Variants in RIN2 observed in about 807,000 individuals in gnomAD.
The protein encoded by RIN2 is RAB5 interacting protein 2.
RIN2 carries 36 observed loss-of-function variants against 78.0 expected under a neutral mutation model. The ratio of observed to expected loss-of-function variants is 0.46; its 90% CI spans 0.35 to 0.61. RIN2 has a LOEUF of 0.61. Ranked by LOEUF, RIN2 falls within the 20% of genes least tolerant of loss-of-function variation. RIN2 has a pLI of 0.00. For synonymous variants in RIN2, 466 were observed against 466.8 expected (o/e 1.00, Z 0.02); for missense variants, 1,087 against 1,159.7 (o/e 0.94, Z 0.91).
intron 1 of RIN2, among the ~76,000 whole-genome samples, chr20:19,772,628 G>T (rs1046714736): frequency 6.6e-5 from 10 of 152,190 alleles, no homozygotes; most frequent in African/African-American, 2.4e-4. Context: ...AATCCCAGCA[G>T]CTAAAAGGGT....
In RIN2 at chr20:19,995,774, T is replaced by C. The variant is rs533574774; in HGVS notation, c.2201-905T>C. Among the ~76,000 whole-genome samples, 15 of 152,342 alleles carry C rather than the reference T, an allele frequency of 9.8e-5. No homozygotes were observed. The South Asian group carries it at 3.1e-3, about 32-fold the overall frequency. ...AACAGTTCTTTCAAAGTGTATAGTT[T>C]ACTTAAGATTTAGAAAATACTCATT... is the stretch of plus-strand genomic sequence containing the variant. On this transcript the variant is annotated intron_variant, in intron 11 of 12. Transcript: ENST00000255006.
chr20:19,940,082 G>A (rs372429970), intron 4 of RIN2, among the ~76,000 whole-genome samples: 9 of 152,080 alleles, frequency 5.9e-5, no homozygotes, highest in Non-Finnish European at 1.0e-4. Flanking sequence ...TAACTCCTGA[G>A]TTCAGGCAAT....
intron 3 of RIN2, chr20:19,934,629 G>A: frequency 2.1e-6 from 2 of 972,510 alleles, no homozygotes; most frequent in Non-Finnish European, 2.4e-6. Context: ...TATGTAAGCT[G>A]GATATATCTT....
At chr20:19,781,964 A>T (rs1451573603) in intron 1 of RIN2, among the ~76,000 whole-genome samples, 1 of 152,076 alleles carries the variant, frequency 6.6e-6, no homozygotes, top group Non-Finnish European at 1.5e-5. Context: ...ATGGTAGGTT[A>T]CTAAGGTAGT....
intron 4 of RIN2, among the ~76,000 whole-genome samples, chr20:19,943,329 C>G (rs187878773): frequency 6.6e-6 from 1 of 152,190 alleles, no homozygotes; most frequent in Non-Finnish European, 1.5e-5. Context: ...GCAGCGTCTC[C>G]CTGGAGGCAG....
intron 6 of RIN2, 43 bp downstream of exon 6, chr20:19,960,854 CG>C: frequency 8.0e-7 from 1 of 1,256,436 alleles, no homozygotes; most frequent in Non-Finnish European, 1.1e-6. Flanking sequence ...GACAGGGCCA[CG>C]GGGCTCTGCA....
At chr20:19,855,724 C>G (rs1263062330) in intron 2 of RIN2, among the ~76,000 whole-genome samples, 1 of 152,114 alleles carries the variant, frequency 6.6e-6, no homozygotes, top group African/African-American at 2.4e-5. Flanking sequence ...AAAACACCAA[C>G]AAGAGACTGG....
At chr20:19,838,275 ATGGCCTGG>A (rs767430889) in intron 2 of RIN2, among the ~76,000 whole-genome samples, 1,879 of 152,318 alleles carry the variant, frequency 0.012, 18 homozygotes, top group East Asian at 0.035. Context: ...GAAGAGAGAT[ATGGCCTGG>A]TTAATTAATT....
intron 2 of RIN2, among the ~76,000 whole-genome samples, chr20:19,848,518 G>C (rs983732038): frequency 8.1e-6 from 1 of 123,124 alleles, no homozygotes; most frequent in African/African-American, 3.3e-5. Context: ...CCTGGTGACA[G>C]AGCAAGACTC....
chr20:19,970,947 G>T lies in RIN2; in HGVS notation c.628+18G>T, dbSNP rs775972092. On this transcript the variant is annotated intron_variant, in intron 8 of 12. Transcript: ENST00000255006. ...GGGACTAAGTAAGTGTGTGCCCCCT[G>T]CCTGAGTCTATCTAAAAATGAATCC... 2 of 1,584,910 alleles carry T rather than the reference G, an allele frequency of 1.3e-6. No individual in the cohort carries two copies. The highest frequency in any genetic ancestry group is 2.3e-5 in the South Asian group (2 of 88,612).
rs372975521 is a variant in RIN2, at chr20:19,868,174, T to C, written c.-36-21392T>C. 2.6e-5 allele frequency among the ~76,000 whole-genome samples: 4 copies of C among 152,338 alleles called. No homozygotes were observed. The East Asian group carries it at 7.7e-4, about 29-fold the overall frequency. ...TTCTGAGGTTTCTCCAACTTTCCCA[T>C]ATAAAATGAAGATGGCCTTTCTTCT... On this transcript the variant is annotated intron_variant, in intron 2 of 12. Transcript: ENST00000255006.
At chr20:19,926,008 G>T (rs116736560) in intron 3 of RIN2, among the ~76,000 whole-genome samples, 1 of 152,204 alleles carries the variant, frequency 6.6e-6, no homozygotes, top group Non-Finnish European at 1.5e-5. Context: ...GTGGAAAACC[G>T]TTCCCACTTA....
intron 2 of RIN2, among the ~76,000 whole-genome samples, chr20:19,808,778 T>G (rs6035443): frequency 0.42 from 63,732 of 152,138 alleles, 17,738 homozygotes; most frequent in African/African-American, 0.8. Context: ...GGGGGTGGCA[T>G]TGCTAGTGAT....
intron 1 of RIN2, among the ~76,000 whole-genome samples, chr20:19,764,918 GTTTTTTTT>G (rs10605325): frequency 0.08 from 4,026 of 50,512 alleles, 122 homozygotes; most frequent in African/African-American, 0.19. Flanking sequence ...CACTTTCTGC[GTTTTTTTT>G]TTTTTTTTTT....
At chr20:19,833,998 CCT>C (rs1382363811) in intron 2 of RIN2, among the ~76,000 whole-genome samples, 1 of 152,128 alleles carries the variant, frequency 6.6e-6, no homozygotes, top group South Asian at 2.1e-4. Flanking sequence ...ACAAGGATCC[CCT>C]GTGAGTGAGA....
chr20:19,841,888 G>A (rs1427423827), intron 2 of RIN2, among the ~76,000 whole-genome samples: 4 of 152,232 alleles, frequency 2.6e-5, no homozygotes, highest in African/African-American at 9.6e-5. Context: ...AGAAGATCTA[G>A]CCAAGATAAT....
At chr20:19,996,629 C>A (rs747422277) in intron 11 of RIN2, 50 bp from the exon 12 acceptor site, 2 of 1,594,710 alleles carry the variant, frequency 1.3e-6, no homozygotes, top group African/African-American at 1.3e-5. Flanking sequence ...TGTTATCACC[C>A]GTGAGCGGAG....
At chr20:19,869,987 C>A (rs1443810962) in intron 2 of RIN2, among the ~76,000 whole-genome samples, 1 of 151,962 alleles carries the variant, frequency 6.6e-6, no homozygotes, top group Non-Finnish European at 1.5e-5. Context: ...AGAACCGTGG[C>A]AAGAATAGTT....
At chr20:19,858,026 A>T (rs1173296733) in intron 2 of RIN2, among the ~76,000 whole-genome samples, 1 of 152,028 alleles carries the variant, frequency 6.6e-6, no homozygotes, top group East Asian at 1.9e-4. Context: ...CTCCTGCTCT[A>T]TGTCTTATTC....
Sources: allele counts gnomAD v4.1 joint callset (sites outside exome capture counted in the v4.1 genomes callset), GRCh38; gene constraint gnomAD v4.1.1; transcripts MANE v1.5; gene names NCBI Gene and HGNC (gene_info 2026-07-23, HGNC 2026-07-21).